RANBP2: variants seen among roughly 807,000 people sequenced by gnomAD.
RANBP2 encodes RAN binding protein 2.
RANBP2 carries 57 observed loss-of-function variants against 303.6 expected under a neutral mutation model. The observed-to-expected ratio is 0.19, with a 90% CI of 0.15 to 0.23. RANBP2 has a LOEUF of 0.23. Among genes scored for constraint, RANBP2 ranks in the 10% least tolerant of loss-of-function variants. RANBP2 has a pLI of 1.00. For synonymous variants in RANBP2, 1,167 were observed against 1,301.5 expected (o/e 0.90, Z 2.23); for missense variants, 3,138 against 3,780.8 (o/e 0.83, Z 4.46).
chr2:109,709,452 G>A, the RANBP2 span, among the ~76,000 whole-genome samples: 1 of 152,194 alleles, frequency 6.6e-6, no homozygotes, highest in Non-Finnish European at 1.5e-5. Context: ...TGCAGTGTGG[G>A]GTTTGGAGTC....
the RANBP2 span, among the ~76,000 whole-genome samples, chr2:109,104,388 T>C: frequency 1.1e-4 from 16 of 152,048 alleles, no homozygotes; most frequent in Admixed American, 1.0e-3. Context: ...CATCGTGGAA[T>C]GAACAGTTTT....
At chr2:108,750,607 A>C (rs556283165) in intron 9 of RANBP2, among the ~76,000 whole-genome samples, 7 of 75,060 alleles carry the variant, frequency 9.3e-5, no homozygotes, top group African/African-American at 2.0e-4. Context: ...CTTTTCTTTG[A>C]GACAGAGTCT....
the RANBP2 span, among the ~76,000 whole-genome samples, chr2:109,036,786 T>C: frequency 2.6e-5 from 4 of 152,016 alleles, no homozygotes; most frequent in Non-Finnish European, 5.9e-5. Flanking sequence ...GATGGGCGGA[T>C]TGCTTGAGCC....
the RANBP2 span, among the ~76,000 whole-genome samples, chr2:109,117,816 GTAA>G: frequency 1.3e-5 from 2 of 152,194 alleles, no homozygotes; most frequent in Non-Finnish European, 2.9e-5. Context: ...CAAGGCTACA[GTAA>G]TATTTTCGAT....
chr2:109,108,539 G>A, the RANBP2 span, among the ~76,000 whole-genome samples: 17 of 152,138 alleles, frequency 1.1e-4, no homozygotes, highest in African/African-American at 4.1e-4. Context: ...TGATGACCAA[G>A]TCCTCACAAG....
At chr2:109,373,712 C>G in the RANBP2 span, among the ~76,000 whole-genome samples, 1 of 152,108 alleles carries the variant, frequency 6.6e-6, no homozygotes, top group Non-Finnish European at 1.5e-5. Context: ...CTCGGGAGAG[C>G]TGCACAGATT....
At chr2:109,302,392 A>G in the RANBP2 span, among the ~76,000 whole-genome samples, 1 of 152,254 alleles carries the variant, frequency 6.6e-6, no homozygotes, top group African/African-American at 2.4e-5. Context: ...CATGCTGACC[A>G]TACCCAAACA....
At chr2:109,412,330 C>T in the RANBP2 span, among the ~76,000 whole-genome samples, 2,481 of 152,308 alleles carry the variant, frequency 0.016, 66 homozygotes, top group African/African-American at 0.056. Context: ...ATCCAAGTGC[C>T]GGGGCAGGCT....
chr2:109,550,311 C>CT, the RANBP2 span, among the ~76,000 whole-genome samples: 220 of 143,248 alleles, frequency 1.5e-3, no homozygotes, highest in Admixed American at 3.8e-3. Flanking sequence ...AAAAAAGTAT[C>CT]TTTTTTTTTT....
chr2:108,733,845 A>G (rs1695362304), intron 4 of RANBP2, among the ~76,000 whole-genome samples: 1 of 147,106 alleles, frequency 6.8e-6, no homozygotes, highest in Admixed American at 6.7e-5. Flanking sequence ...TTCCTGTATC[A>G]GATTTTTTTT....
chr2:108,879,205 C>T, the RANBP2 span, among the ~76,000 whole-genome samples: 5 of 152,190 alleles, frequency 3.3e-5, no homozygotes, highest in African/African-American at 4.8e-5. Flanking sequence ...CTCCTGAGCT[C>T]GAGCAGTCTT....
At chr2:109,417,875 T>A in the RANBP2 span, among the ~76,000 whole-genome samples, 1 of 152,154 alleles carries the variant, frequency 6.6e-6, no homozygotes, top group Non-Finnish European at 1.5e-5. Flanking sequence ...GGTTATCAGC[T>A]AAGCAAGGCC....
the RANBP2 span, chr2:109,398,486 C>A: frequency 1.0e-6 from 1 of 1,004,800 alleles, no homozygotes; most frequent in Non-Finnish European, 1.4e-6. Flanking sequence ...GATTTGAATG[C>A]ATTGCCAGTT....
the RANBP2 span, among the ~76,000 whole-genome samples, chr2:109,649,608 G>A: frequency 6.6e-6 from 1 of 152,130 alleles, no homozygotes; most frequent in African/African-American, 2.4e-5. Context: ...ATGTTAGCCA[G>A]ACTGGTCTCA....
At chr2:109,722,534 A>G in the RANBP2 span, among the ~76,000 whole-genome samples, 4 of 152,346 alleles carry the variant, frequency 2.6e-5, 1 homozygote, top group East Asian at 7.7e-4. Context: ...GGTTTGTTAC[A>G]TAGATAAACG....
the RANBP2 span, among the ~76,000 whole-genome samples, chr2:109,547,341 T>C: frequency 4.0e-5 from 6 of 151,812 alleles, no homozygotes; most frequent in African/African-American, 1.5e-4. Context: ...CACCCCTGTA[T>C]ATGTGAAATA....
chr2:108,804,434 G>C, the RANBP2 span, among the ~76,000 whole-genome samples: 35 of 152,040 alleles, frequency 2.3e-4, no homozygotes, highest in Non-Finnish European at 4.1e-4. Flanking sequence ...TGCTTTATGA[G>C]GACAAGAAAT....
chr2:108,733,257 C>CT (rs34665362), intron 4 of RANBP2, among the ~76,000 whole-genome samples: 5,222 of 85,048 alleles, frequency 0.061, 772 homozygotes, highest in Non-Finnish European at 0.086. Flanking sequence ...TAACCATTCC[C>CT]TTTTTTTTTT....
chr2:109,016,499 T>C, the RANBP2 span, among the ~76,000 whole-genome samples: 3 of 152,342 alleles, frequency 2.0e-5, no homozygotes, highest in South Asian at 4.1e-4. Flanking sequence ...GGTTTGACCA[T>C]GTGACTTGCT....
Sources: allele counts gnomAD v4.1 joint callset (sites outside exome capture counted in the v4.1 genomes callset), GRCh38; gene constraint gnomAD v4.1.1; transcripts MANE v1.5; gene names NCBI Gene and HGNC (gene_info 2026-07-23, HGNC 2026-07-21).